The following PHACTR3 variants were observed in gnomAD, a reference collection of about 807,000 sequenced individuals.
The protein encoded by PHACTR3 is phosphatase and actin regulator 3.
A neutral mutation model predicts 66.8 loss-of-function variants in PHACTR3; 16 were observed. The observed-to-expected ratio is 0.24, with a 90% CI of 0.16 to 0.36. The LOEUF is 0.36. Ranked by LOEUF, PHACTR3 falls within the 10% of genes least tolerant of loss-of-function variation. The pLI, the probability that PHACTR3 is intolerant of heterozygous loss-of-function variation, is 1.00. For missense variants in PHACTR3, 647 were observed against 719.9 expected (o/e 0.90, Z 1.16); for synonymous variants, 323 against 292.1 (o/e 1.11, Z -1.08).
Position 59,798,434 on chromosome 20 carries a change from G to A in PHACTR3, c.1175-7607G>A, listed in dbSNP as rs1172023168. 2.0e-5 allele frequency among the ~76,000 whole-genome samples: 3 copies of A among 152,152 alleles called. No homozygotes were observed. In the East Asian group the frequency reaches 5.8e-4, roughly 29 times the overall value. ...TTTTGAAATAATTTACATAAAATTA[G>A]TATTATTCTCTAAATGTTTTGTAGA... is the stretch of plus-strand genomic sequence containing the variant. On this transcript the variant is annotated intron_variant, in intron 7 of 12. Transcript: ENST00000371015.
chr20:59,796,444 C>T (rs1251032828), intron 7 of PHACTR3, among the ~76,000 whole-genome samples: 1 of 152,118 alleles, frequency 6.6e-6, no homozygotes, highest in Non-Finnish European at 1.5e-5. Context: ...TTGCGTCTAC[C>T]AGTGAGTTTT....
At chr20:59,798,990 C>A (rs2146976161) in intron 7 of PHACTR3, among the ~76,000 whole-genome samples, 1 of 152,048 alleles carries the variant, frequency 6.6e-6, no homozygotes, top group South Asian at 2.1e-4. Context: ...ATTGTATTTT[C>A]ATTTGTTTCA....
At chr20:59,641,007 T>C (rs1020376944) in intron 1 of PHACTR3, among the ~76,000 whole-genome samples, 6 of 152,166 alleles carry the variant, frequency 3.9e-5, no homozygotes, top group South Asian at 2.1e-4. Flanking sequence ...GATACATAGA[T>C]ATATGGGGAG....
chr20:59,677,781 G>C (rs1048248689), intron 1 of PHACTR3, among the ~76,000 whole-genome samples: 2 of 152,200 alleles, frequency 1.3e-5, no homozygotes, highest in African/African-American at 2.4e-5. Flanking sequence ...ACGGAATTAT[G>C]TGCGTGTATA....
Position 59,846,660 on chromosome 20 carries a change from T to TTA in PHACTR3, c.1665-455_1665-454insTA, listed in dbSNP as rs564819695. Among the ~76,000 whole-genome samples the TTA allele has an allele frequency of 4.6e-5, 7 of 152,172 alleles. No homozygotes were observed. In the South Asian group the frequency reaches 1.4e-3, roughly 31 times the overall value. ...AATAATGACTCTAATACTTAAAATGTGGTATAAAGACCCTAAAATTATTTC... is the reference window on the plus strand; with the variant it reads ...AATAATGACTCTAATACTTAAAATGTTAGGTATAAAGACCCTAAAATTATTTC... On this transcript the variant is annotated intron_variant, in intron 12 of 12. Transcript: ENST00000371015.
At chr20:59,838,435 C>T (rs7272906) in intron 9 of PHACTR3, among the ~76,000 whole-genome samples, 16,142 of 152,130 alleles carry the variant, frequency 0.11, 1,884 homozygotes, top group African/African-American at 0.29. Flanking sequence ...CTCAAAACTC[C>T]GCCCATATAA....
intron 1 of PHACTR3, among the ~76,000 whole-genome samples, chr20:59,638,251 G>A (rs1404616866): frequency 6.6e-6 from 1 of 152,196 alleles, no homozygotes; most frequent in Non-Finnish European, 1.5e-5. Flanking sequence ...TATGTTAGAT[G>A]GATGGGCCAA....
chr20:59,592,105 A>G (rs973614305), intron 1 of PHACTR3, among the ~76,000 whole-genome samples: 1 of 152,104 alleles, frequency 6.6e-6, no homozygotes, highest in Non-Finnish European at 1.5e-5. Flanking sequence ...TGATATTTCT[A>G]TTAACAGTGT....
chr20:59,745,466 C>T (rs1300030703), intron 2 of PHACTR3, among the ~76,000 whole-genome samples: 1 of 144,022 alleles, frequency 6.9e-6, no homozygotes, highest in Non-Finnish European at 1.5e-5. Context: ...CCTGCAGCAT[C>T]CCCACCTTCA....
chr20:59,824,840 C>T (rs916657912), intron 8 of PHACTR3, among the ~76,000 whole-genome samples: 1 of 152,208 alleles, frequency 6.6e-6, no homozygotes, highest in Admixed American at 6.5e-5. Flanking sequence ...TTCCAACTTT[C>T]TGCCCTCTGC....
At chr20:59,846,690 A>T (rs2059155266) in intron 12 of PHACTR3, among the ~76,000 whole-genome samples, 2 of 152,208 alleles carry the variant, frequency 1.3e-5, no homozygotes, top group Non-Finnish European at 2.9e-5. Context: ...TATTTCAACA[A>T]TTCAAGAGTC....
intron 8 of PHACTR3, among the ~76,000 whole-genome samples, chr20:59,828,631 C>G (rs778491610): frequency 6.6e-6 from 1 of 151,846 alleles, no homozygotes; most frequent in South Asian, 2.1e-4. Context: ...ACATCTTTGC[C>G]GGACAGGGAC....
At chr20:59,733,869 C>T (rs752773952) in intron 1 of PHACTR3, among the ~76,000 whole-genome samples, 2 of 152,150 alleles carry the variant, frequency 1.3e-5, no homozygotes, top group South Asian at 2.1e-4. Flanking sequence ...TAGATGCTTC[C>T]GTTGCTGATG....
At chr20:59,737,916 G>A (rs1310308095) in intron 1 of PHACTR3, among the ~76,000 whole-genome samples, 2 of 152,184 alleles carry the variant, frequency 1.3e-5, no homozygotes, top group African/African-American at 2.4e-5. Flanking sequence ...TCCCTCGCCA[G>A]CCCTCAGCTC....
intron 7 of PHACTR3, among the ~76,000 whole-genome samples, chr20:59,792,232 A>C (rs540619981): frequency 3.0e-4 from 45 of 152,366 alleles, no homozygotes; most frequent in African/African-American, 1.1e-3. Flanking sequence ...GTTGATGGAC[A>C]TATGGGTTGT....
chr20:59,620,952 G>A (rs1342968766), intron 1 of PHACTR3, among the ~76,000 whole-genome samples: 2 of 152,180 alleles, frequency 1.3e-5, no homozygotes, highest in Non-Finnish European at 2.9e-5. Context: ...TAGTGTGGAC[G>A]CCTGCATGTA....
chr20:59,619,881 G>A (rs892031347), intron 1 of PHACTR3, among the ~76,000 whole-genome samples: 2 of 152,182 alleles, frequency 1.3e-5, no homozygotes, highest in Non-Finnish European at 2.9e-5. Flanking sequence ...GCTGTGTGCT[G>A]CCTCGGTTTC....
chr20:59,617,661 G>C (rs924322931), intron 1 of PHACTR3, among the ~76,000 whole-genome samples: 2 of 152,164 alleles, frequency 1.3e-5, no homozygotes, highest in African/African-American at 2.4e-5. Flanking sequence ...AACATTTCGT[G>C]GGGCTGACAT....
intron 1 of PHACTR3, among the ~76,000 whole-genome samples, chr20:59,698,513 T>G (rs544998808): frequency 6.6e-6 from 1 of 152,190 alleles, no homozygotes; most frequent in Non-Finnish European, 1.5e-5. Context: ...CACCAGATGA[T>G]AGCTTCAATA....
Sources: gnomAD v4.1 joint callset for allele counts (sites outside exome capture counted in the v4.1 genomes callset) on GRCh38, gnomAD v4.1.1 for gene constraint, MANE v1.5 for transcripts, NCBI Gene and HGNC (gene_info 2026-07-23, HGNC 2026-07-21) for gene names.